The following SOBP variants were observed in gnomAD, a reference collection of about 807,000 sequenced individuals.
The protein encoded by SOBP is sine oculis-binding protein homolog.
In SOBP, 4 loss-of-function variants were observed where a neutral mutation model predicts 53.6. The ratio of observed to expected loss-of-function variants is 0.07; its 90% confidence interval spans 0.04 to 0.17. SOBP has a LOEUF of 0.17. Among genes scored for constraint, SOBP ranks in the 10% least tolerant of loss-of-function variants. The probability of loss-of-function intolerance (pLI) is 1.00; values close to 1 mark genes in which losing one functional copy is unlikely to be tolerated. For synonymous variants in SOBP, 584 were observed against 522.6 expected (o/e 1.12, Z -1.60); for missense variants, 1,088 against 1,204.7 (o/e 0.90, Z 1.43).
chr6:107,645,227 A>T (rs1771502900), intron 6 of SOBP, among the ~76,000 whole-genome samples: 1 of 152,194 alleles, frequency 6.6e-6, no homozygotes, highest in African/African-American at 2.4e-5. Context: ...GATTTTATAA[A>T]TCCTAAATGT....
chr6:107,637,436 C>T (rs1195741078), intron 6 of SOBP, among the ~76,000 whole-genome samples: 1 of 152,238 alleles, frequency 6.6e-6, no homozygotes. Flanking sequence ...AATGAGTTCA[C>T]CATTCCTTCT....
At chr6:107,586,072 C>G (rs1785557175) in intron 4 of SOBP, among the ~76,000 whole-genome samples, 1 of 152,232 alleles carries the variant, frequency 6.6e-6, no homozygotes, top group Non-Finnish European at 1.5e-5. Context: ...GTGCGGCTCT[C>G]CCTGTGTTTC....
chr6:107,510,154 C>T (rs1437480526), intron 3 of SOBP, among the ~76,000 whole-genome samples: 2 of 152,130 alleles, frequency 1.3e-5, no homozygotes, highest in African/African-American at 2.4e-5. Flanking sequence ...CAGAGCTCTT[C>T]TGTTGTAGCA....
At chr6:107,567,569 A>G (rs1663920144) in intron 4 of SOBP, among the ~76,000 whole-genome samples, 1 of 152,234 alleles carries the variant, frequency 6.6e-6, no homozygotes. Flanking sequence ...GTGAGATAAA[A>G]TGAATTCAGA....
intron 4 of SOBP, among the ~76,000 whole-genome samples, chr6:107,540,481 T>C (rs1784119498): frequency 6.6e-6 from 1 of 152,226 alleles, no homozygotes; most frequent in Admixed American, 6.5e-5. Flanking sequence ...AATCCACTCT[T>C]AGGGTGGCTG....
intron 3 of SOBP, among the ~76,000 whole-genome samples, chr6:107,522,494 A>G (rs1454449120): frequency 4.6e-5 from 7 of 151,546 alleles, no homozygotes; most frequent in Non-Finnish European, 1.5e-5. Flanking sequence ...TAGACTTGAT[A>G]AATATTCATC....
At chr6:107,654,089 G>A (rs1771916719) in intron 6 of SOBP, among the ~76,000 whole-genome samples, 1 of 152,170 alleles carries the variant, frequency 6.6e-6, no homozygotes, top group African/African-American at 2.4e-5. Context: ...AATGCATTTG[G>A]TGTGCAGTTA....
chr6:107,597,672 T>C (rs139685943), intron 5 of SOBP, among the ~76,000 whole-genome samples: 2 of 152,340 alleles, frequency 1.3e-5, no homozygotes, highest in African/African-American at 4.8e-5. Context: ...AATTTTTATT[T>C]TCATTTTTCC....
intron 3 of SOBP, among the ~76,000 whole-genome samples, chr6:107,510,209 G>T (rs570340544): frequency 1.5e-4 from 23 of 152,272 alleles, no homozygotes; most frequent in Middle Eastern, 6.8e-3. Context: ...GTGTGGCTGT[G>T]TTCCAATAAA....
intron 3 of SOBP, among the ~76,000 whole-genome samples, chr6:107,522,537 C>CTTTTTTTTTTTTTTTTTTTTTTTT (rs71551313): frequency 1.3e-5 from 1 of 74,098 alleles, no homozygotes; most frequent in Non-Finnish European, 2.5e-5. Context: ...AGTATAAAAA[C>CTTTTTTTTTTTTTTTTTTTTTTTT]TTTTTTTTTT....
chr6:107,563,676 T>TG (rs1169031296), intron 4 of SOBP, among the ~76,000 whole-genome samples: 1 of 151,126 alleles, frequency 6.6e-6, no homozygotes, highest in East Asian at 1.9e-4. Context: ...TTATTTCTAT[T>TG]GAAAAAAAAA....
intron 5 of SOBP, among the ~76,000 whole-genome samples, chr6:107,631,199 C>G (rs1041022347): frequency 6.6e-6 from 1 of 152,106 alleles, no homozygotes; most frequent in African/African-American, 2.4e-5. Flanking sequence ...AAACCCTTCT[C>G]CCTTATGGCT....
At chr6:107,619,510 G>A (rs927718082) in intron 5 of SOBP, among the ~76,000 whole-genome samples, 1 of 152,082 alleles carries the variant, frequency 6.6e-6, no homozygotes, top group African/African-American at 2.4e-5. Context: ...CCTTTTTGGG[G>A]GACAGAGCAT....
chr6:107,629,427 T>TC (rs1198436000), intron 5 of SOBP, among the ~76,000 whole-genome samples: 1 of 152,128 alleles, frequency 6.6e-6, no homozygotes, highest in African/African-American at 2.4e-5. Context: ...AGGAACCCTG[T>TC]CCCCCTCCCT....
chr6:107,577,627 A>G (rs746279736), intron 4 of SOBP, among the ~76,000 whole-genome samples: 5 of 152,224 alleles, frequency 3.3e-5, no homozygotes, highest in Non-Finnish European at 7.3e-5. Flanking sequence ...AAATTGTATC[A>G]TAATATTGAT....
chr6:107,621,235 C>A, intron 5 of SOBP: 1 of 363,358 alleles, frequency 2.8e-6, no homozygotes, highest in Non-Finnish European at 3.8e-6. Flanking sequence ...CACCATTTAA[C>A]AGTTCAGGCA....
chr6:107,540,626 G>A (rs1005556222), intron 4 of SOBP, among the ~76,000 whole-genome samples: 1 of 152,154 alleles, frequency 6.6e-6, no homozygotes, highest in Non-Finnish European at 1.5e-5. Context: ...GCAGATCAAT[G>A]GTTTAATGAA....
intron 1 of SOBP, among the ~76,000 whole-genome samples, chr6:107,499,432 T>G (rs545578950): frequency 6.6e-6 from 1 of 152,322 alleles, no homozygotes; most frequent in African/African-American, 2.4e-5. Flanking sequence ...TATTAGACAT[T>G]ATTATAATTA....
chr6:107,509,860 G>A (rs2281592), intron 3 of SOBP: 8 of 151,984 alleles, frequency 5.3e-5, no homozygotes, highest in African/African-American at 1.5e-4. Context: ...ATTCCAGGGC[G>A]CTCATCTGTT....
Sources: gnomAD v4.1 joint callset for allele counts (sites outside exome capture counted in the v4.1 genomes callset) on GRCh38, gnomAD v4.1.1 for gene constraint, MANE v1.5 for transcripts, NCBI Gene and HGNC (gene_info 2026-07-23, HGNC 2026-07-21) for gene names.